BLK: variants seen among roughly 807,000 people sequenced by gnomAD.
BLK encodes the protein tyrosine-protein kinase Blk.
BLK carries 64 observed loss-of-function variants against 61.8 expected under a neutral mutation model. That is an observed-to-expected ratio of 1.03 (90% CI 0.85 to 1.27). The LOEUF (loss-of-function observed/expected upper bound fraction) is 1.27, where lower values mean the gene tolerates loss of function less well. Among genes scored for constraint, BLK ranks in the 50% most tolerant of loss-of-function variants. The pLI is 0.00. For missense variants in BLK, 853 were observed against 660.5 expected, an observed-to-expected ratio of 1.29 and a Z score of -3.19; for synonymous variants, 351 against 272.0, an observed-to-expected ratio of 1.29 and a Z score of -2.86.
intron 1 of BLK, among the ~76,000 whole-genome samples, chr8:11,517,709 C>G (rs1436507749): frequency 6.6e-6 from 1 of 152,192 alleles, no homozygotes; most frequent in Non-Finnish European, 1.5e-5. Flanking sequence ...CGAAGACCCT[C>G]TTGCGTTCCC....
At chr8:11,555,687 G>A in intron 8 of BLK, 1 of 782,096 alleles carries the variant, frequency 1.3e-6, no homozygotes, top group African/African-American at 1.7e-5. Flanking sequence ...CGCTTATGGT[G>A]GTGGCAGAGC....
At chr8:11,541,502 T>C (rs2467519) in intron 1 of BLK, among the ~76,000 whole-genome samples, 64,023 of 114,536 alleles carry the variant, frequency 0.56, 14,620 homozygotes, top group Non-Finnish European at 0.64. Context: ...CTCTCTCTCT[T>C]TTTTTTTTTT....
chr8:11,516,011 C>G (rs187419473), intron 1 of BLK, among the ~76,000 whole-genome samples: 1 of 152,314 alleles, frequency 6.6e-6, no homozygotes, highest in Non-Finnish European at 1.5e-5. Context: ...GTAGATGGAA[C>G]AAAAGTTCAT....
intron 1 of BLK, among the ~76,000 whole-genome samples, chr8:11,513,034 C>A (rs1267033643): frequency 6.6e-6 from 1 of 152,184 alleles, no homozygotes; most frequent in Non-Finnish European, 1.5e-5. Context: ...ATTATTTATT[C>A]ATGGAAGTCT....
chr8:11,558,869 C>A (rs913961700), intron 10 of BLK: 1 of 456,108 alleles, frequency 2.2e-6, no homozygotes, highest in East Asian at 7.0e-5. Flanking sequence ...TCCCACCCAC[C>A]GCCCACATCA....
intron 9 of BLK, among the ~76,000 whole-genome samples, chr8:11,557,197 C>T (rs959785539): frequency 6.6e-6 from 1 of 152,182 alleles, no homozygotes; most frequent in Non-Finnish European, 1.5e-5. Flanking sequence ...ATCCAGGTCT[C>T]CTGCCTCCTG....
chr8:11,550,669 T>C (rs1356339229), intron 6 of BLK, among the ~76,000 whole-genome samples: 2 of 152,194 alleles, frequency 1.3e-5, no homozygotes, highest in Admixed American at 1.3e-4. Context: ...GCAGGTAGCA[T>C]ATGTTAGGAA....
chr8:11,516,284 G>A (rs999416072), intron 1 of BLK, among the ~76,000 whole-genome samples: 1 of 152,216 alleles, frequency 6.6e-6, no homozygotes, highest in African/African-American at 2.4e-5. Context: ...CAGTAACAAA[G>A]AACAGAAAGC....
At chr8:11,560,083 A>T (rs112991739) in intron 10 of BLK, 5,362 of 274,974 alleles carry the variant, frequency 0.019, 154 homozygotes, top group African/African-American at 0.072. Context: ...TTAGTAAATG[A>T]GTATTGATTG....
intron 1 of BLK, among the ~76,000 whole-genome samples, chr8:11,530,293 C>T (rs1334639171): frequency 6.6e-6 from 1 of 152,142 alleles, no homozygotes; most frequent in Non-Finnish European, 1.5e-5. Flanking sequence ...CTTGAGGTCC[C>T]AACAAAGCTT....
In BLK at chr8:11,560,968, C is replaced by T. The variant is rs1488609961; in HGVS notation, c.1030-334C>T. On this transcript the variant is annotated intron_variant, in intron 10 of 12. Transcript: ENST00000259089. ...CCCTCCCCCTCCTTCCTTACCATTT[C>T]TTCTCTTCTCCCTCCCTCTCCTTTT... The T allele has an allele frequency of 7.7e-6, 4 of 516,234 alleles. No individual in the cohort carries two copies. The East Asian group carries it at 2.0e-4, about 26-fold the overall frequency. 32.0% of individuals were successfully genotyped at this position (516,234 alleles called of 1,614,324 possible). A position where few individuals can be genotyped will look rare whatever the true frequency, so the allele number is the denominator to read the frequency against.
chr8:11,559,984 T>C (rs10098664), intron 10 of BLK: 204,154 of 369,732 alleles, frequency 0.55, 58,494 homozygotes, highest in East Asian at 0.95. Context: ...TCTGGTACTG[T>C]TCAATAAATA....
At chr8:11,555,130 T>C (rs1801136758) in intron 7 of BLK, among the ~76,000 whole-genome samples, 1 of 151,996 alleles carries the variant, frequency 6.6e-6, no homozygotes, top group Admixed American at 6.5e-5. Flanking sequence ...AGTGAGCAGG[T>C]CGATTTTAGA....
At chr8:11,560,094 C>A (rs113420780) in intron 10 of BLK, 5,057 of 256,072 alleles carry the variant, frequency 0.02, 139 homozygotes, top group African/African-American at 0.079. Context: ...GTATTGATTG[C>A]ATGGTGTAGC....
At chr8:11,561,569 G>A (rs891977539) in intron 11 of BLK, 117 bp downstream of exon 11, 3 of 1,330,986 alleles carry the variant, frequency 2.3e-6, no homozygotes, top group East Asian at 2.5e-5. Flanking sequence ...GGGCTATACG[G>A]TTTCTACAGC....
intron 10 of BLK, chr8:11,560,083 A>C (rs112991739): frequency 1.8e-5 from 5 of 274,902 alleles, no homozygotes; most frequent in South Asian, 7.3e-5. Context: ...TTAGTAAATG[A>C]GTATTGATTG....
intron 10 of BLK, among the ~76,000 whole-genome samples, chr8:11,559,319 AC>A (rs1172901685): frequency 7.9e-6 from 1 of 126,834 alleles, no homozygotes; most frequent in Non-Finnish European, 1.9e-5. Flanking sequence ...ACACATAAAA[AC>A]ACAGACTCAC....
chr8:11,532,513 T>C (rs1799932453), intron 1 of BLK, among the ~76,000 whole-genome samples: 2 of 152,130 alleles, frequency 1.3e-5, no homozygotes, highest in African/African-American at 4.8e-5. Flanking sequence ...TTCTGGCCTC[T>C]CTTTTTTCTT....
intron 9 of BLK, 186 bp from the exon 10 acceptor site, chr8:11,557,776 C>T: frequency 6.6e-6 from 4 of 601,896 alleles, no homozygotes; most frequent in Admixed American, 2.3e-5. Context: ...GGTGCTGAGA[C>T]TGGCATTTTG....
Sources: gnomAD v4.1 joint callset for allele counts (sites outside exome capture counted in the v4.1 genomes callset) on GRCh38, gnomAD v4.1.1 for gene constraint, MANE v1.5 for transcripts, NCBI Gene and HGNC (gene_info 2026-07-23, HGNC 2026-07-21) for gene names.